Variants in FHIP2A observed in about 807,000 individuals in gnomAD.
The protein encoded by FHIP2A is family with sequence similarity 160 member B1.
Under a neutral mutation model 93.5 loss-of-function variants are expected in FHIP2A, and 46 were observed. The ratio of observed to expected loss-of-function variants is 0.49; its 90% CI spans 0.39 to 0.63. The LOEUF is 0.63. FHIP2A is among the 20% of genes least tolerant of loss of function. FHIP2A has a pLI of 0.00. For missense variants in FHIP2A, 769 were observed against 909.7 expected (o/e 0.85, Z 1.99); for synonymous variants, 332 against 326.5 (o/e 1.02, Z -0.18).
At chr10:114,839,126 T>G (rs145541116) in intron 5 of FHIP2A, among the ~76,000 whole-genome samples, 35 of 152,190 alleles carry the variant, frequency 2.3e-4, no homozygotes, top group African/African-American at 7.7e-4. Flanking sequence ...CAGCGTTTTG[T>G]TTTTGTTTTT....
At chr10:114,848,851 A>G (rs903955244) in intron 13 of FHIP2A, 114 bp downstream of exon 13, 1 of 705,914 alleles carries the variant, frequency 1.4e-6, no homozygotes, top group South Asian at 1.7e-5. Flanking sequence ...CTTATTAAAA[A>G]TGAGACCTGG....
chr10:114,888,155 T>C (rs2083952299), intron 16 of FHIP2A, among the ~76,000 whole-genome samples: 1 of 152,228 alleles, frequency 6.6e-6, no homozygotes, highest in South Asian at 2.1e-4. Context: ...TCTCTCCATT[T>C]GCTCCTTCAG....
intron 16 of FHIP2A, among the ~76,000 whole-genome samples, chr10:114,880,117 C>T (rs1421326567): frequency 6.6e-6 from 1 of 152,192 alleles, no homozygotes; most frequent in African/African-American, 2.4e-5. Context: ...TACGATCACA[C>T]AGTGCATGAT....
chr10:114,848,448 A>T lies in FHIP2A; in HGVS notation c.1713-199A>T, dbSNP rs112320475. ...GAATTGTAAAACTTATCAGGAATTA[A>T]CAACATATAATTTCATTTCTCGGGT... On this transcript the variant is annotated intron_variant, in intron 12 of 16. Transcript: ENST00000369248. Among the ~76,000 whole-genome samples the T allele has an allele frequency of 7.2e-3, 1,098 of 152,322 alleles. 16 individuals carry two copies. The highest frequency in any genetic ancestry group is 0.025 in the African/African-American group (1,058 of 41,570).
At chr10:114,887,764 G>A (rs60827950) in intron 16 of FHIP2A, among the ~76,000 whole-genome samples, 1 of 152,178 alleles carries the variant, frequency 6.6e-6, no homozygotes, top group Non-Finnish European at 1.5e-5. Flanking sequence ...ACAAGGCATT[G>A]TACCAGGCTG....
intron 3 of FHIP2A, among the ~76,000 whole-genome samples, chr10:114,835,047 G>A (rs1278594392): frequency 6.6e-6 from 1 of 152,176 alleles, no homozygotes. Context: ...AATCACAACA[G>A]TTTACACCAT....
At chr10:114,866,590 C>T (rs1328650626), downstream of FHIP2A, among the ~76,000 whole-genome samples, 1 of 152,160 alleles carries the variant, frequency 6.6e-6, no homozygotes, top group African/African-American at 2.4e-5. Flanking sequence ...TTATTTAACA[C>T]ATATTTCTCA....
At chr10:114,854,523 A>G (rs1021558245) in intron 13 of FHIP2A, among the ~76,000 whole-genome samples, 2 of 152,192 alleles carry the variant, frequency 1.3e-5, no homozygotes, top group Non-Finnish European at 2.9e-5. Context: ...TTGTAGAAAA[A>G]TGAAGAGAAA....
At chr10:114,832,156 G>A (rs1349777601) in intron 2 of FHIP2A, among the ~76,000 whole-genome samples, 2 of 152,114 alleles carry the variant, frequency 1.3e-5, no homozygotes, top group African/African-American at 4.8e-5. Context: ...TTTAACCTTA[G>A]TATAATAAGG....
chr10:114,847,625 T>G (rs2083709443), intron 12 of FHIP2A, among the ~76,000 whole-genome samples: 2 of 152,158 alleles, frequency 1.3e-5, no homozygotes, highest in Admixed American at 1.3e-4. Flanking sequence ...CTTTAAAGAT[T>G]ATGTCAGTTT....
chr10:114,858,715 C>T (rs1320920688), intron 14 of FHIP2A, among the ~76,000 whole-genome samples: 1 of 151,540 alleles, frequency 6.6e-6, no homozygotes, highest in Non-Finnish European at 1.5e-5. Context: ...TATTCTGTTG[C>T]AAATATTATC....
chr10:114,869,554 C>G (rs987888153), downstream of FHIP2A, among the ~76,000 whole-genome samples: 2 of 152,184 alleles, frequency 1.3e-5, no homozygotes, highest in Non-Finnish European at 2.9e-5. Flanking sequence ...AAAACACCTA[C>G]TTTTAAAATA....
rs182959174 is a variant in FHIP2A, at chr10:114,897,357, G to A, written c.2193-2133G>A. Among the ~76,000 whole-genome samples the A allele has an allele frequency of 2.2e-4, 34 of 152,218 alleles. No homozygotes were observed. In the South Asian group the frequency reaches 4.2e-3, roughly 19 times the overall value. ...TCAGGTTATAAATGACCCTTTATTC[G>A]GTGTACTTTCGTGGCAAAACTGCTG... On this transcript the variant is annotated intron_variant, in intron 16 of 16. Coordinates refer to the FHIP2A transcript ENST00000369250.
chr10:114,861,216 G>A lies in FHIP2A; in HGVS notation c.2089-15G>A, dbSNP rs200099573. 6.2e-7 allele frequency: 1 copy of A among 1,613,570 alleles called. No homozygotes were observed. The highest frequency in any genetic ancestry group is 2.2e-5 in the East Asian group (1 of 44,868). On this transcript the variant is annotated splice_polypyrimidine_tract_variant and intron_variant, in intron 15 of 16. Transcript: ENST00000369248. Reference sequence around the variant, plus strand: ...CTGATTTCAGGAACTGAAGTGCCTTGCCTCTGTGATGCAGGTTGTTGGAGA... The same window carrying A: ...CTGATTTCAGGAACTGAAGTGCCTTACCTCTGTGATGCAGGTTGTTGGAGA...
chr10:114,864,762 A>G (rs1566379786), downstream of FHIP2A: 1 of 936,254 alleles, frequency 1.1e-6, no homozygotes, highest in Non-Finnish European at 1.3e-6. Context: ...ATTTTATCCA[A>G]TGATAAATCT....
At chr10:114,866,704 G>A (rs1208046021), downstream of FHIP2A, among the ~76,000 whole-genome samples, 1 of 152,146 alleles carries the variant, frequency 6.6e-6, no homozygotes, top group Non-Finnish European at 1.5e-5. Context: ...ATAAATTATA[G>A]TGCACACTGG....
At chr10:114,897,022 A>G (rs2084004527) in intron 16 of FHIP2A, among the ~76,000 whole-genome samples, 1 of 152,242 alleles carries the variant, frequency 6.6e-6, no homozygotes, top group Non-Finnish European at 1.5e-5. Context: ...ACATTCTTAA[A>G]TATCTGCTAG....
Position 114,822,031 on chromosome 10 carries a change from G to T in FHIP2A, c.-48G>T. Reference sequence around the variant, plus strand: ...GCAGGGGCGGCGGCGGCGGATCGAGGAGCTCTCCAGGTCGTCCCGGGAGAG... The same window carrying T: ...GCAGGGGCGGCGGCGGCGGATCGAGTAGCTCTCCAGGTCGTCCCGGGAGAG... On this transcript the variant is annotated 5_prime_UTR_variant, in exon 1 of 17. Coordinates refer to ENST00000369248, the MANE Select transcript of FHIP2A (RefSeq NM_020940.4). The T allele has an allele frequency of 8.2e-7, 1 of 1,212,950 alleles. No individual in the cohort carries two copies. The highest frequency in any genetic ancestry group is 1.1e-6 in the Non-Finnish European group (1 of 949,140). 75.1% of individuals were successfully genotyped at this position (1,212,950 alleles called of 1,614,324 possible).
chr10:114,883,533 A>G (rs1036181109), intron 16 of FHIP2A, among the ~76,000 whole-genome samples: 5 of 152,186 alleles, frequency 3.3e-5, no homozygotes, highest in Non-Finnish European at 5.9e-5. Context: ...AAATAAATGC[A>G]ATATTCTATC....
Sources: gnomAD v4.1 joint callset for allele counts (sites outside exome capture counted in the v4.1 genomes callset) on GRCh38, gnomAD v4.1.1 for gene constraint, MANE v1.5 for transcripts, NCBI Gene and HGNC (gene_info 2026-07-23, HGNC 2026-07-21) for gene names.